The following PHLDB2 variants were observed in gnomAD, a reference collection of about 807,000 sequenced individuals.
PHLDB2 encodes pleckstrin homology like domain family B member 2, also known as pleckstrin homology-like domain family B member 2.
PHLDB2 carries 71 observed loss-of-function variants against 123.6 expected under a neutral mutation model. The observed-to-expected ratio is 0.57, with a 90% CI of 0.47 to 0.70. The LOEUF (loss-of-function observed/expected upper bound fraction) is 0.70, where lower values mean the gene tolerates loss of function less well. PHLDB2 is among the 30% of genes least tolerant of loss of function. The pLI is 0.00. For missense variants in PHLDB2, 1,446 were observed against 1,519.5 expected (o/e 0.95, Z 0.80); for synonymous variants, 547 against 541.6 (o/e 1.01, Z -0.14).
At position 111,920,366 on chromosome 3, in the gene PHLDB2, C is replaced by G. The variant is rs747553263; in HGVS notation, c.1948C>G (p.Leu650Val). The G allele has an allele frequency of 4.3e-6, 7 of 1,613,820 alleles. No individual in the cohort carries two copies. Among genetic ancestry groups the G allele is most frequent in the Non-Finnish European group, 5.9e-6 (7 of 1,179,942 alleles). ...GAAGGAGAAGGAGATTTTGGATCAT[C>G]TAAACCGGAAAATAGCTGAACTGGA... ...LMKEKEILDH[L>V]NRKIAELEKN... Residue 650 changes from leucine (L) to valine (V), a missense_variant, in exon 5 of 18, where the codon CTA becomes GTA. By Grantham distance (32) the Leu-to-Val change is conservative. Coordinates refer to ENST00000431670, the MANE Select transcript of PHLDB2 (RefSeq NM_001134438.2).
At chr3:111,958,506 A>C (rs1461658893) in intron 12 of PHLDB2, among the ~76,000 whole-genome samples, 9 of 152,224 alleles carry the variant, frequency 5.9e-5, no homozygotes, top group Non-Finnish European at 1.5e-5. Flanking sequence ...AGCCAGAATT[A>C]ATAGAGACTG....
intron 13 of PHLDB2, among the ~76,000 whole-genome samples, chr3:111,965,810 G>A (rs74970902): frequency 0.029 from 4,427 of 152,238 alleles, 100 homozygotes; most frequent in Non-Finnish European, 0.04. Flanking sequence ...TGTAAGCGGT[G>A]GAAAATAAAA....
chr3:111,890,992 G>A (rs2066450729), intron 2 of PHLDB2, among the ~76,000 whole-genome samples: 1 of 152,156 alleles, frequency 6.6e-6, no homozygotes, highest in Non-Finnish European at 1.5e-5. Flanking sequence ...CTAAGTACAA[G>A]TGAGGTTCTC....
intron 1 of PHLDB2, among the ~76,000 whole-genome samples, chr3:111,782,933 T>C (rs2060536848): frequency 6.6e-6 from 1 of 152,132 alleles, no homozygotes; most frequent in South Asian, 2.1e-4. Flanking sequence ...ATTGCATAGC[T>C]TGAATTAGTC....
At chr3:111,813,024 G>C (rs1200739654) in intron 1 of PHLDB2, among the ~76,000 whole-genome samples, 1 of 152,196 alleles carries the variant, frequency 6.6e-6, no homozygotes, top group Non-Finnish European at 1.5e-5. Flanking sequence ...CTAAAGAAGA[G>C]ACCAAGGCTT....
chr3:111,855,304 A>G (rs1474203777), upstream of PHLDB2, among the ~76,000 whole-genome samples: 1 of 152,186 alleles, frequency 6.6e-6, no homozygotes, highest in East Asian at 1.9e-4. Flanking sequence ...CTCTAGTGAT[A>G]AGGAATGGCA....
rs151046467 is a variant in PHLDB2, at chr3:111,974,433, C to T, written c.3632C>T (p.Pro1211Leu). The T allele has an allele frequency of 6.3e-6, 10 of 1,598,230 alleles. No individual in the cohort carries two copies. The highest frequency in any genetic ancestry group is 4.5e-5 in the East Asian group (2 of 44,376). The change falls in exon 18 of 18, where the codon CCG (proline) becomes CTG (leucine). Residue 1211 changes from proline (P) to leucine (L), a missense_variant. Physicochemically the swap from Pro to Leu is moderately conservative, Grantham distance 98. Coordinates refer to ENST00000431670, the MANE Select transcript of PHLDB2 (RefSeq NM_001134438.2). ...HLKNANKSPN[P>L]LLTFSVKTHD... ...TTTTTTGAATTTTAGAGTCCTAATC[C>T]GTTACTCACCTTTAGCGTCAAGACT...
At chr3:111,846,926 T>C (rs941015145) in intron 2 of PHLDB2, among the ~76,000 whole-genome samples, 3 of 152,214 alleles carry the variant, frequency 2.0e-5, no homozygotes, top group Non-Finnish European at 4.4e-5. Context: ...GTCATGGTTT[T>C]GGACTTTCTG....
intron 2 of PHLDB2, among the ~76,000 whole-genome samples, chr3:111,900,173 T>C (rs2067108834): frequency 6.6e-6 from 1 of 152,246 alleles, no homozygotes; most frequent in African/African-American, 2.4e-5. Flanking sequence ...GTTTGATCTA[T>C]TTTGACCACT....
intron 8 of PHLDB2, among the ~76,000 whole-genome samples, chr3:111,944,554 A>G (rs952229808): frequency 3.3e-5 from 5 of 152,202 alleles, no homozygotes; most frequent in African/African-American, 1.2e-4. Context: ...CTGGGTTGTG[A>G]TATTACATCA....
In PHLDB2 at chr3:111,974,407, C is replaced by CT. The variant is rs750085647; in HGVS notation, c.3622-10dup. ...AGATGTTTATTTTACATTCTTTTTC[C>CT]TTTTTTGAATTTTAGAGTCCTAATC... is the stretch of plus-strand genomic sequence containing the variant. On this transcript the variant is annotated splice_polypyrimidine_tract_variant and intron_variant, in intron 17 of 17. Coordinates refer to ENST00000431670, the MANE Select transcript of PHLDB2 (RefSeq NM_001134438.2). The CT allele has an allele frequency of 1.4e-5, 22 of 1,562,054 alleles. No homozygotes were observed. In the Admixed American group the frequency reaches 2.4e-4, roughly 17 times the overall value.
chr3:111,854,167 A>G (rs547285228), intron 2 of PHLDB2, among the ~76,000 whole-genome samples: 87 of 152,344 alleles, frequency 5.7e-4, no homozygotes, highest in Non-Finnish European at 9.7e-4. Context: ...CCAGACACTT[A>G]CAAAACCATC....
chr3:111,951,138 T>A (rs1216554443), intron 10 of PHLDB2, among the ~76,000 whole-genome samples: 1 of 152,214 alleles, frequency 6.6e-6, no homozygotes, highest in African/African-American at 2.4e-5. Flanking sequence ...TGTTCTGATG[T>A]CATTTTACTA....
chr3:111,960,094 CTGT>C (rs2071306030), intron 12 of PHLDB2: 1 of 663,392 alleles, frequency 1.5e-6, no homozygotes, highest in South Asian at 6.9e-5. Context: ...CAAATAATTT[CTGT>C]TGTTTTTTTG....
chr3:111,754,837 T>C (rs2059854461), intron 1 of PHLDB2, among the ~76,000 whole-genome samples: 1 of 142,794 alleles, frequency 7.0e-6, no homozygotes, highest in Non-Finnish European at 1.5e-5. Flanking sequence ...CAATACCTAA[T>C]TTATTGAGAG....
chr3:111,923,220 A>G (rs946955028), intron 5 of PHLDB2, among the ~76,000 whole-genome samples: 1 of 152,144 alleles, frequency 6.6e-6, no homozygotes, highest in Admixed American at 6.5e-5. Flanking sequence ...AGACTACTAA[A>G]GACCTCAGTG....
chr3:111,806,103 T>C (rs1361274443), intron 1 of PHLDB2, among the ~76,000 whole-genome samples: 1 of 152,156 alleles, frequency 6.6e-6, no homozygotes, highest in Non-Finnish European at 1.5e-5. Flanking sequence ...AAAGAGTTAG[T>C]ATCTCTAGAA....
rs181453290 is a variant in PHLDB2, at chr3:111,907,772, G to A, written c.1336-5547G>A. On this transcript the variant is annotated intron_variant, in intron 2 of 17. Coordinates refer to ENST00000431670, the MANE Select transcript of PHLDB2 (RefSeq NM_001134438.2). ...CTTCCAAAGTTTGGGGATTACAGGT[G>A]TGAGCCACCGTGGTCAGCTATTTTT... Among the ~76,000 whole-genome samples, 153 of 152,204 alleles carry A rather than the reference G, an allele frequency of 1.0e-3. No individual in the cohort carries two copies. In the Middle Eastern group the frequency reaches 0.024, roughly 24 times the overall value.
rs115912985 is a variant in PHLDB2, at chr3:111,785,388, A to T, written c.-49+52685A>T. Among the ~76,000 whole-genome samples the T allele has an allele frequency of 3.5e-3, 533 of 152,102 alleles. 3 individuals are homozygous for T. The highest frequency in any genetic ancestry group is 0.012 in the African/African-American group (518 of 41,520). Reference sequence around the variant, plus strand: ...TTTTTGATATTTTTATTATTCTTCCACTTTGGAGCTTTAAATTTTAGTTGG... The same window carrying T: ...TTTTTGATATTTTTATTATTCTTCCTCTTTGGAGCTTTAAATTTTAGTTGG... On this transcript the variant is annotated intron_variant, in intron 1 of 17. Transcript: ENST00000393923.
Sources: allele counts gnomAD v4.1 joint callset (sites outside exome capture counted in the v4.1 genomes callset), GRCh38; gene constraint gnomAD v4.1.1; transcripts MANE v1.5; gene names NCBI Gene and HGNC (gene_info 2026-07-23, HGNC 2026-07-21).